SLC14A2: variants seen among roughly 807,000 people sequenced by gnomAD.
SLC14A2 encodes the protein urea transporter 2.
A neutral mutation model predicts 104.6 loss-of-function variants in SLC14A2; 91 were observed. That is an observed-to-expected ratio of 0.87 (90% CI 0.73 to 1.04). SLC14A2 has a LOEUF of 1.04. Among genes scored for constraint, SLC14A2 ranks in the 50% least tolerant of loss-of-function variants. SLC14A2 has a pLI of 0.00. For synonymous variants in SLC14A2, 476 were observed against 466.4 expected (o/e 1.02, Z -0.27); for missense variants, 1,189 against 1,156.0 (o/e 1.03, Z -0.41).
chr18:45,187,052 G>A, the SLC14A2 span, among the ~76,000 whole-genome samples: 1 of 152,112 alleles, frequency 6.6e-6, no homozygotes, highest in Non-Finnish European at 1.5e-5. Context: ...AATTACTGTT[G>A]CCCACCGCAG....
chr18:45,497,143 T>C (rs2043111474), intron 2 of SLC14A2, among the ~76,000 whole-genome samples: 1 of 152,168 alleles, frequency 6.6e-6, no homozygotes, highest in Non-Finnish European at 1.5e-5. Context: ...TATGTGTATA[T>C]ATACACACAC....
At chr18:45,561,292 C>T (rs1362085803) in intron 2 of SLC14A2, among the ~76,000 whole-genome samples, 2 of 152,144 alleles carry the variant, frequency 1.3e-5, no homozygotes, top group Non-Finnish European at 1.5e-5. Context: ...CAGAAGAAGG[C>T]CTTGGGACTT....
intron 2 of SLC14A2, among the ~76,000 whole-genome samples, chr18:45,551,928 CT>C (rs2044061972): frequency 6.6e-6 from 1 of 152,168 alleles, no homozygotes; most frequent in South Asian, 2.1e-4. Context: ...GCCATAAGTA[CT>C]ATTGCATAGT....
At chr18:45,619,659 T>G (rs1047692736) in intron 1 of SLC14A2, among the ~76,000 whole-genome samples, 4 of 152,126 alleles carry the variant, frequency 2.6e-5, no homozygotes, top group African/African-American at 9.7e-5. Flanking sequence ...TTTAATGGAC[T>G]GGCGCTGAGC....
chr18:45,381,325 T>C (rs575783989), intron 1 of SLC14A2, among the ~76,000 whole-genome samples: 1 of 152,356 alleles, frequency 6.6e-6, no homozygotes, highest in South Asian at 2.1e-4. Context: ...TAAAACATCA[T>C]GGGATATTAG....
intron 1 of SLC14A2, among the ~76,000 whole-genome samples, chr18:45,330,766 T>C (rs1329267752): frequency 2.0e-5 from 3 of 152,186 alleles, no homozygotes; most frequent in Non-Finnish European, 2.9e-5. Context: ...AAAGAGAATA[T>C]TGGGCTTGAA....
the SLC14A2 span, among the ~76,000 whole-genome samples, chr18:45,199,950 G>A: frequency 5.9e-5 from 9 of 152,238 alleles, no homozygotes; most frequent in South Asian, 6.2e-4. Flanking sequence ...GTCTGTGTCC[G>A]ATCAGGAGTC....
intron 19 of SLC14A2, 40 bp downstream of exon 19, chr18:45,679,064 T>G: frequency 6.3e-7 from 1 of 1,597,324 alleles, no homozygotes; most frequent in Non-Finnish European, 8.6e-7. Flanking sequence ...ACAACATCCT[T>G]CCTGGTGTCC....
intron 1 of SLC14A2, among the ~76,000 whole-genome samples, chr18:45,368,486 C>T (rs2085689158): frequency 6.6e-6 from 1 of 152,108 alleles, no homozygotes; most frequent in South Asian, 2.1e-4. Flanking sequence ...ACAATCGCTT[C>T]CATGGCAAGA....
At chr18:45,547,749 A>G (rs985042140) in intron 2 of SLC14A2, among the ~76,000 whole-genome samples, 4 of 152,242 alleles carry the variant, frequency 2.6e-5, no homozygotes, top group African/African-American at 4.8e-5. Flanking sequence ...AAATACTTAC[A>G]TAACTGTAAG....
chr18:45,475,639 TAGG>T (rs2087351333), intron 1 of SLC14A2, among the ~76,000 whole-genome samples: 2 of 27,512 alleles, frequency 7.3e-5, no homozygotes, highest in Non-Finnish European at 1.6e-4. Flanking sequence ...TATATATATT[TAGG>T]ATATATATAT....
intron 2 of SLC14A2, among the ~76,000 whole-genome samples, chr18:45,522,260 A>AT (rs1281865548): frequency 1.3e-5 from 2 of 152,188 alleles, no homozygotes; most frequent in South Asian, 2.1e-4. Context: ...AAAAGGAGGC[A>AT]TTTTTTTATG....
intron 1 of SLC14A2, among the ~76,000 whole-genome samples, chr18:45,466,054 G>A (rs1376018591): frequency 5.9e-5 from 9 of 152,104 alleles, no homozygotes; most frequent in Admixed American, 5.2e-4. Flanking sequence ...AAGGTCTGTG[G>A]CATAGAGCAT....
At chr18:45,607,468 T>C (rs2044891169) in intron 2 of SLC14A2, among the ~76,000 whole-genome samples, 1 of 152,210 alleles carries the variant, frequency 6.6e-6, no homozygotes, top group South Asian at 2.1e-4. Context: ...TAGTTGGTAC[T>C]CAGCAAATAT....
rs16978397 is a variant in SLC14A2 at position 45,528,455 on chromosome 18, G to A, written c.-35+45133G>A. ...CTAAAGACCTTCGAACATCCATGCT[G>A]TCCAGGGGCACTCACCCCACAGGGT... On this transcript the variant is annotated intron_variant, in intron 2 of 20. Transcript: ENST00000586448. 7.9e-3 allele frequency: 1,200 copies of A among 152,138 alleles called. 13 individuals carry two copies. The highest frequency in any genetic ancestry group is 0.028 in the African/African-American group (1,149 of 41,502). 9.4% of individuals were successfully genotyped at this position (152,138 alleles called of 1,614,324 possible). A position where few individuals can be genotyped will look rare whatever the true frequency, so the allele number is the denominator to read the frequency against.
At chr18:45,370,735 A>AT (rs1178726949) in intron 1 of SLC14A2, among the ~76,000 whole-genome samples, 5 of 152,206 alleles carry the variant, frequency 3.3e-5, no homozygotes, top group Non-Finnish European at 7.3e-5. Context: ...AATCACTCCC[A>AT]GAAGGGAGCA....
intron 2 of SLC14A2, among the ~76,000 whole-genome samples, chr18:45,524,318 C>T (rs963270564): frequency 2.6e-5 from 4 of 152,222 alleles, no homozygotes; most frequent in African/African-American, 9.6e-5. Flanking sequence ...ATGTTTTGTA[C>T]TGATGAGGTC....
At chr18:45,318,270 A>G (rs1258303159) in intron 1 of SLC14A2, among the ~76,000 whole-genome samples, 1 of 152,072 alleles carries the variant, frequency 6.6e-6, no homozygotes, top group Non-Finnish European at 1.5e-5. Flanking sequence ...AGCCAGAAGC[A>G]CTTAGGGAAA....
At chr18:45,588,128 T>A (rs993448792) in intron 2 of SLC14A2, among the ~76,000 whole-genome samples, 2 of 152,112 alleles carry the variant, frequency 1.3e-5, no homozygotes, top group African/African-American at 4.8e-5. Flanking sequence ...TTCTTCTATG[T>A]AGCTCCAGAG....
Sources: allele counts gnomAD v4.1 joint callset (sites outside exome capture counted in the v4.1 genomes callset), GRCh38; gene constraint gnomAD v4.1.1; transcripts MANE v1.5; gene names NCBI Gene and HGNC (gene_info 2026-07-23, HGNC 2026-07-21).